CNBD1: variants seen among roughly 807,000 people sequenced by gnomAD.
CNBD1 encodes the protein cyclic nucleotide binding domain containing 1.
In CNBD1, 71 loss-of-function variants were observed where a neutral mutation model predicts 54.4. The observed-to-expected ratio is 1.30, with a 90% CI of 1.08 to 1.59. The LOEUF is 1.59. Among genes scored for constraint, CNBD1 ranks in the 40% most tolerant of loss-of-function variants. The pLI, the probability that CNBD1 is intolerant of heterozygous loss-of-function variation, is 0.00. For missense variants in CNBD1, 659 were observed against 518.0 expected (o/e 1.27, Z -2.64); for synonymous variants, 182 against 170.7 (o/e 1.07, Z -0.51).
chr8:86,993,088 C>T (rs1808789383), intron 4 of CNBD1, among the ~76,000 whole-genome samples: 1 of 152,060 alleles, frequency 6.6e-6, no homozygotes, highest in African/African-American at 2.4e-5. Context: ...CTTAGGAATG[C>T]CAATGTGTTG....
chr8:87,006,922 T>A (rs1809112300), intron 4 of CNBD1, among the ~76,000 whole-genome samples: 1 of 152,208 alleles, frequency 6.6e-6, no homozygotes, highest in South Asian at 2.1e-4. Flanking sequence ...ATTGGCCGGG[T>A]GCCGCGGCTC....
At chr8:87,339,937 T>C (rs1370109576) in intron 8 of CNBD1, among the ~76,000 whole-genome samples, 1 of 152,214 alleles carries the variant, frequency 6.6e-6, no homozygotes, top group East Asian at 1.9e-4. Context: ...TGTTATAGTA[T>C]TACAGTATTC....
chr8:87,095,236 G>T (rs982492719), intron 4 of CNBD1, among the ~76,000 whole-genome samples: 3 of 152,182 alleles, frequency 2.0e-5, no homozygotes, highest in Admixed American at 6.5e-5. Context: ...CTAGGAATGA[G>T]AATTTTTATT....
chr8:87,244,055 G>A (rs1807754168), intron 6 of CNBD1, among the ~76,000 whole-genome samples: 2 of 152,144 alleles, frequency 1.3e-5, no homozygotes. Context: ...CCCATGAACA[G>A]CCTCAGGTGG....
intron 4 of CNBD1, among the ~76,000 whole-genome samples, chr8:86,972,716 T>C (rs1808251714): frequency 6.6e-6 from 1 of 152,146 alleles, no homozygotes; most frequent in Non-Finnish European, 1.5e-5. Context: ...ACCATCTAGT[T>C]TCTGGTTGGA....
intron 4 of CNBD1, among the ~76,000 whole-genome samples, chr8:87,030,972 C>A (rs1351606130): frequency 9.0e-5 from 12 of 133,626 alleles, no homozygotes; most frequent in Admixed American, 7.9e-5. Context: ...CCCCTTCTTT[C>A]TCCTTCTTTC....
At chr8:86,897,018 C>A (rs1288359567) in intron 2 of CNBD1, among the ~76,000 whole-genome samples, 1 of 152,132 alleles carries the variant, frequency 6.6e-6, no homozygotes, top group East Asian at 1.9e-4. Flanking sequence ...AACTTCAAGT[C>A]TTGGTGAGAA....
intron 4 of CNBD1, among the ~76,000 whole-genome samples, chr8:87,035,547 G>A (rs1202631277): frequency 6.6e-6 from 1 of 152,162 alleles, no homozygotes; most frequent in Non-Finnish European, 1.5e-5. Flanking sequence ...GTTCAAAGCA[G>A]ATACAATCTT....
At chr8:87,286,011 G>T (rs1239060424) in intron 7 of CNBD1, among the ~76,000 whole-genome samples, 1 of 152,220 alleles carries the variant, frequency 6.6e-6, no homozygotes, top group East Asian at 1.9e-4. Flanking sequence ...CTCATGTGGA[G>T]TGGTGTTGAG....
chr8:86,925,524 T>TGTGTCC (rs912672378), intron 3 of CNBD1, among the ~76,000 whole-genome samples: 2 of 142,792 alleles, frequency 1.4e-5, no homozygotes, highest in African/African-American at 2.5e-5. Context: ...TGTGTGTGTG[T>TGTGTCC]GTCCCTGTCT....
At chr8:87,298,113 T>C (rs893122688) in intron 8 of CNBD1, among the ~76,000 whole-genome samples, 1 of 152,016 alleles carries the variant, frequency 6.6e-6, no homozygotes, top group Non-Finnish European at 1.5e-5. Context: ...GAGAAAGTAA[T>C]TTTCAAATTT....
intron 4 of CNBD1, among the ~76,000 whole-genome samples, chr8:86,969,425 C>G (rs1242888552): frequency 6.6e-6 from 1 of 152,052 alleles, no homozygotes; most frequent in African/African-American, 2.4e-5. Flanking sequence ...AAAACCACTA[C>G]CAGTGGCAAA....
intron 4 of CNBD1, among the ~76,000 whole-genome samples, chr8:86,971,528 C>G (rs1318478161): frequency 6.6e-6 from 1 of 152,108 alleles, no homozygotes; most frequent in African/African-American, 2.4e-5. Flanking sequence ...CTTTGGATAA[C>G]TGATGAGACA....
intron 4 of CNBD1, among the ~76,000 whole-genome samples, chr8:87,010,449 T>C (rs934015069): frequency 3.9e-5 from 6 of 152,076 alleles, no homozygotes; most frequent in African/African-American, 1.4e-4. Context: ...ATTTTACTCT[T>C]TAAAAAAATG....
rs149603245 is a variant in CNBD1 at position 87,367,896 on chromosome 8, G to T, written c.1303+14110G>T. Among the ~76,000 whole-genome samples the T allele has an allele frequency of 9.7e-3, 1,475 of 152,204 alleles. 20 individuals are homozygous for T. Among genetic ancestry groups the T allele is most frequent in the African/African-American group, 0.033 (1,360 of 41,560 alleles). ...GACATTAAAAGAATATGTTGGCCGG[G>T]AGTGGTGGCTTACGCCTATAATTCC... On this transcript the variant is annotated intron_variant, in intron 10 of 10. Coordinates refer to ENST00000518476, the MANE Select transcript of CNBD1 (RefSeq NM_173538.3).
intron 2 of CNBD1, among the ~76,000 whole-genome samples, chr8:87,391,411 A>G (rs904989384): frequency 6.6e-6 from 1 of 152,132 alleles, no homozygotes; most frequent in Admixed American, 6.6e-5. Flanking sequence ...TGCCAGAACA[A>G]TCCTGAAAGA....
At chr8:87,320,965 G>T in intron 8 of CNBD1, among the ~76,000 whole-genome samples, 1 of 152,140 alleles carries the variant, frequency 6.6e-6, no homozygotes, top group Non-Finnish European at 1.5e-5. Flanking sequence ...TGCAGTATTT[G>T]TCCTCCTGTG....
At chr8:87,189,375 A>T (rs1480592316) in intron 4 of CNBD1, among the ~76,000 whole-genome samples, 2 of 152,110 alleles carry the variant, frequency 1.3e-5, no homozygotes, top group African/African-American at 4.8e-5. Flanking sequence ...GTGTTTTATG[A>T]CCCAACCCCC....
chr8:87,235,243 G>A (rs1359523158), intron 5 of CNBD1, among the ~76,000 whole-genome samples: 3 of 152,130 alleles, frequency 2.0e-5, no homozygotes, highest in Non-Finnish European at 4.4e-5. Context: ...CTTACTTAGT[G>A]TGTTCACTGG....
Sources: allele counts gnomAD v4.1 joint callset (sites outside exome capture counted in the v4.1 genomes callset), GRCh38; gene constraint gnomAD v4.1.1; transcripts MANE v1.5; gene names NCBI Gene and HGNC (gene_info 2026-07-23, HGNC 2026-07-21).